Variants in AFF3 observed in about 807,000 individuals in gnomAD.
AFF3 encodes AF4/FMR2 family member 3.
AFF3 carries 32 observed loss-of-function variants against 129.7 expected under a neutral mutation model. The observed-to-expected ratio is 0.25, with a 90% CI of 0.19 to 0.33. The LOEUF is 0.33. AFF3 is among the 10% of genes least tolerant of loss of function. AFF3 has a pLI of 1.00. For missense variants in AFF3, 1,373 were observed against 1,592.0 expected, an observed-to-expected ratio of 0.86 and a Z score of 2.34; for synonymous variants, 644 against 635.4, an observed-to-expected ratio of 1.01 and a Z score of -0.20.
intron 4 of AFF3, among the ~76,000 whole-genome samples, chr2:100,070,985 A>T (rs1319710496): frequency 6.6e-6 from 1 of 152,190 alleles, no homozygotes; most frequent in Non-Finnish European, 1.5e-5. Flanking sequence ...TTCAGTATTA[A>T]AATTGCTGAT....
At chr2:99,702,733 G>A (rs1392570768) in intron 11 of AFF3, among the ~76,000 whole-genome samples, 1 of 152,188 alleles carries the variant, frequency 6.6e-6, no homozygotes, top group Non-Finnish European at 1.5e-5. Context: ...GTCTGTGTAT[G>A]TCTTTCATCC....
intron 7 of AFF3, among the ~76,000 whole-genome samples, chr2:99,957,804 T>C (rs774744004): frequency 1.3e-5 from 2 of 152,168 alleles, no homozygotes; most frequent in Non-Finnish European, 2.9e-5. Context: ...ACCCTCAGCA[T>C]CTGAGGCAGA....
intron 7 of AFF3, among the ~76,000 whole-genome samples, chr2:99,970,044 A>G (rs4129805): frequency 0.19 from 29,186 of 152,142 alleles, 3,658 homozygotes; most frequent in African/African-American, 0.35. Flanking sequence ...AACATATCGC[A>G]TAATAGCAGA....
intron 7 of AFF3, among the ~76,000 whole-genome samples, chr2:99,847,989 T>C (rs1021074805): frequency 2.6e-5 from 4 of 152,012 alleles, no homozygotes; most frequent in Non-Finnish European, 2.9e-5. Flanking sequence ...CAATAAGAAA[T>C]AGACATCAGA....
At chr2:100,079,103 C>T (rs1226764928) in intron 4 of AFF3, among the ~76,000 whole-genome samples, 2 of 151,900 alleles carry the variant, frequency 1.3e-5, no homozygotes, top group Admixed American at 6.6e-5. Context: ...CTCACCACCA[C>T]GCCCGGCTAA....
At chr2:100,044,281 C>A (rs1377538218) in intron 4 of AFF3, among the ~76,000 whole-genome samples, 1 of 152,180 alleles carries the variant, frequency 6.6e-6, no homozygotes, top group African/African-American at 2.4e-5. Context: ...CAGCTCACCC[C>A]GTGTATTCAT....
rs1479878041 is a variant in AFF3 at position 99,545,689 on chromosome 2, T to C, written c.*5785A>G. The stretch of plus-strand genomic sequence containing the variant: ...AACCCTCAGATCAATGTCTATAAAA[T>C]TGGCTGTAAGAGGTGGATTTTCAAA... On this transcript the variant is annotated 3_prime_UTR_variant, in exon 25 of 25. Coordinates refer to ENST00000672756, the MANE Select transcript of AFF3 (RefSeq NM_001386135.1). The C allele has an allele frequency of 1.8e-5, 3 of 164,464 alleles. No homozygotes were observed. The highest frequency in any genetic ancestry group is 6.4e-5 in the Admixed American group (1 of 15,540). 10.2% of individuals were successfully genotyped at this position (164,464 alleles called of 1,614,324 possible). A position where few individuals can be genotyped will look rare whatever the true frequency, so the allele number is the denominator to read the frequency against.
chr2:100,093,566 A>C (rs1041572452), intron 4 of AFF3, among the ~76,000 whole-genome samples: 4 of 152,042 alleles, frequency 2.6e-5, no homozygotes, highest in African/African-American at 4.8e-5. Context: ...CAAAGATTAA[A>C]CTCTACTTAT....
intron 4 of AFF3, among the ~76,000 whole-genome samples, chr2:100,085,268 A>T (rs1689331377): frequency 7.1e-6 from 1 of 141,324 alleles, no homozygotes. Flanking sequence ...AAATGTACAA[A>T]ATCTCCTACA....
At chr2:99,775,866 G>A (rs1362006380) in intron 8 of AFF3, among the ~76,000 whole-genome samples, 8 of 152,058 alleles carry the variant, frequency 5.3e-5, no homozygotes, top group East Asian at 1.9e-4. Flanking sequence ...AAAATACCCC[G>A]AAACATGAAT....
intron 7 of AFF3, among the ~76,000 whole-genome samples, chr2:99,951,579 T>C (rs1238846343): frequency 6.6e-6 from 1 of 152,162 alleles, no homozygotes. Context: ...GAAAGAGGGA[T>C]GTTTGAGAAG....
intron 4 of AFF3, among the ~76,000 whole-genome samples, chr2:100,040,505 T>C (rs1239092198): frequency 1.3e-5 from 2 of 152,220 alleles, no homozygotes; most frequent in Non-Finnish European, 2.9e-5. Flanking sequence ...ATCCCTTTTC[T>C]AATCATGAGC....
chr2:99,731,354 C>T (rs1228210206), intron 10 of AFF3, among the ~76,000 whole-genome samples: 1 of 152,154 alleles, frequency 6.6e-6, no homozygotes, highest in Admixed American at 6.5e-5. Flanking sequence ...TCTCCCCTCC[C>T]TTATAATTTT....
chr2:99,634,964 T>TACACACACACACACACACAC (rs201362666), intron 13 of AFF3, among the ~76,000 whole-genome samples: 2 of 137,710 alleles, frequency 1.5e-5, no homozygotes, highest in Admixed American at 7.3e-5. Flanking sequence ...GATTCTGTCA[T>TACACACACACACACACACAC]ACACACACAC....
chr2:100,123,854 C>A (rs1692079600), intron 2 of AFF3, among the ~76,000 whole-genome samples: 2 of 152,030 alleles, frequency 1.3e-5, no homozygotes, highest in East Asian at 1.9e-4. Flanking sequence ...AACCACCAGG[C>A]ACATAAAGAG....
intron 7 of AFF3, among the ~76,000 whole-genome samples, chr2:99,860,150 C>A (rs1690866832): frequency 6.6e-6 from 1 of 152,104 alleles, no homozygotes; most frequent in South Asian, 2.1e-4. Context: ...GGCACAGTGG[C>A]TTACACCTGA....
intron 7 of AFF3, among the ~76,000 whole-genome samples, chr2:99,908,286 G>A (rs1694862244): frequency 6.6e-6 from 1 of 152,148 alleles, no homozygotes; most frequent in Non-Finnish European, 1.5e-5. Flanking sequence ...GTAGAAAGCT[G>A]AAACTGGATC....
chr2:99,807,647 A>G (rs1324356113), intron 8 of AFF3, among the ~76,000 whole-genome samples: 1 of 152,192 alleles, frequency 6.6e-6, no homozygotes, highest in Non-Finnish European at 1.5e-5. Context: ...GCAGGCCTCA[A>G]TTGGCCTAAC....
chr2:99,856,767 C>T (rs1690562219), intron 7 of AFF3, among the ~76,000 whole-genome samples: 1 of 152,048 alleles, frequency 6.6e-6, no homozygotes, highest in African/African-American at 2.4e-5. Context: ...CATTTAAACC[C>T]AGGAACATGA....
Sources: allele counts gnomAD v4.1 joint callset (sites outside exome capture counted in the v4.1 genomes callset), GRCh38; gene constraint gnomAD v4.1.1; transcripts MANE v1.5; gene names NCBI Gene and HGNC (gene_info 2026-07-23, HGNC 2026-07-21).